The following SATB2 variants were observed in gnomAD, a reference collection of about 807,000 sequenced individuals.
SATB2 encodes DNA-binding protein SATB2.
Under a neutral mutation model 73.4 loss-of-function variants are expected in SATB2, and 1 was observed. That is an observed-to-expected ratio of 0.01 (90% confidence interval 0.00 to 0.06). The LOEUF (loss-of-function observed/expected upper bound fraction) is 0.06, where lower values mean the gene tolerates loss of function less well. Among genes scored for constraint, SATB2 ranks in the 10% least tolerant of loss-of-function variants. The pLI, the probability that SATB2 is intolerant of heterozygous loss-of-function variation, is 1.00. For synonymous variants in SATB2, 397 were observed against 367.0 expected (o/e 1.08, Z -0.93); for missense variants, 459 against 945.8 (o/e 0.49, Z 6.75).
intron 10 of SATB2, among the ~76,000 whole-genome samples, chr2:199,283,389 C>G (rs1359037666): frequency 2.6e-5 from 4 of 151,536 alleles, no homozygotes; most frequent in African/African-American, 4.8e-5. Context: ...CACGCCCAGC[C>G]AAACATAAAC....
chr2:199,325,266 T>C (rs1687999194), intron 8 of SATB2: 1 of 152,196 alleles, frequency 6.6e-6, no homozygotes, highest in African/African-American at 2.4e-5. Flanking sequence ...CACATTTAAT[T>C]CTTTTAAGAT....
At chr2:199,360,289 CCATCA>C (rs1390749982) in intron 6 of SATB2, among the ~76,000 whole-genome samples, 1 of 152,142 alleles carries the variant, frequency 6.6e-6, no homozygotes, top group African/African-American at 2.4e-5. Flanking sequence ...TTGTCAGCCC[CCATCA>C]CATCTATGTT....
chr2:199,459,820 C>G (rs1388143813), upstream of SATB2: 1 of 126,444 alleles, frequency 7.9e-6, no homozygotes, highest in East Asian at 2.4e-4. The surrounding 1 kb of genome is among the most constrained non-coding windows in gnomAD (Gnocchi z 4.2). Context: ...GTCCGCCGAT[C>G]GTGCCCGGGA....
chr2:199,427,968 T>C lies in SATB2; in HGVS notation c.346+5370A>G, dbSNP rs543664439. 2.0e-5 allele frequency among the ~76,000 whole-genome samples: 3 copies of C among 152,138 alleles called. No homozygotes were observed. In the South Asian group the frequency reaches 6.2e-4, roughly 31 times the overall value. ...TCATTTTTTATAAAAATATCCTTGG[T>C]ATTTTGGTTTCAAATCTTTTTTATT... is the stretch of plus-strand genomic sequence containing the variant. On this transcript the variant is annotated intron_variant, in intron 3 of 10. Coordinates refer to ENST00000417098, the MANE Select transcript of SATB2 (RefSeq NM_001172509.2).
At chr2:199,370,628 C>T (rs1438111865) in intron 5 of SATB2, among the ~76,000 whole-genome samples, 2 of 152,040 alleles carry the variant, frequency 1.3e-5, no homozygotes, top group African/African-American at 4.8e-5. Flanking sequence ...GCCCATAATA[C>T]GAGGCCACAA....
intron 7 of SATB2, among the ~76,000 whole-genome samples, chr2:199,336,615 T>C (rs1688344816): frequency 6.6e-6 from 1 of 152,212 alleles, no homozygotes; most frequent in South Asian, 2.1e-4. Flanking sequence ...GCTGAAATAT[T>C]TCTGCATTAG....
chr2:199,400,379 C>A (rs1405765010), intron 3 of SATB2, among the ~76,000 whole-genome samples: 1 of 152,136 alleles, frequency 6.6e-6, no homozygotes, highest in Non-Finnish European at 1.5e-5. Flanking sequence ...GATACCAATT[C>A]TTTTATGCTG....
intron 1 of SATB2, among the ~76,000 whole-genome samples, chr2:199,456,975 T>TGGGGGGGGGGGGGGGGG (rs71397724): frequency 8.1e-6 from 1 of 123,786 alleles, no homozygotes; most frequent in African/African-American, 3.3e-5. Flanking sequence ...ATTGGGGGGG[T>TGGGGGGGGGGGGGGGGG]GGGGGGGGGC....
At chr2:199,316,172 G>A (rs1315580071) in intron 9 of SATB2, among the ~76,000 whole-genome samples, 2 of 152,052 alleles carry the variant, frequency 1.3e-5, no homozygotes, top group African/African-American at 4.8e-5. Context: ...CTCTTCAGAT[G>A]GTTGAGACTC....
chr2:199,283,741 G>T (rs1170974959), intron 10 of SATB2, among the ~76,000 whole-genome samples: 1 of 151,908 alleles, frequency 6.6e-6, no homozygotes, highest in Non-Finnish European at 1.5e-5. Context: ...CAAAAATGAT[G>T]CCACTTTCAT....
At chr2:199,408,240 T>C (rs369681585) in intron 3 of SATB2, among the ~76,000 whole-genome samples, 2 of 152,300 alleles carry the variant, frequency 1.3e-5, no homozygotes, top group East Asian at 1.9e-4. Context: ...GTTGATAATA[T>C]GATTTAGATT....
intron 6 of SATB2, among the ~76,000 whole-genome samples, chr2:199,367,758 C>T (rs541659822): frequency 3.9e-5 from 6 of 152,192 alleles, no homozygotes; most frequent in African/African-American, 1.4e-4. Context: ...CCCAAATCCC[C>T]TCAGGGACCC....
upstream of SATB2, among the ~76,000 whole-genome samples, chr2:199,467,063 T>C (rs180723309): frequency 1.3e-5 from 2 of 152,366 alleles, no homozygotes; most frequent in East Asian, 3.9e-4. Flanking sequence ...GAGCTATTGT[T>C]TTCTACATCA....
At chr2:199,392,880 A>G (rs1690190692) in intron 3 of SATB2, among the ~76,000 whole-genome samples, 1 of 152,228 alleles carries the variant, frequency 6.6e-6, no homozygotes, top group Admixed American at 6.5e-5. Context: ...AGTCAACATA[A>G]AAGAGGTAAG....
At chr2:199,350,960 G>T (rs1688797626) in intron 6 of SATB2, among the ~76,000 whole-genome samples, 1 of 148,162 alleles carries the variant, frequency 6.7e-6, no homozygotes, top group Non-Finnish European at 1.5e-5. Context: ...GGAGGCAGAG[G>T]CAAAGGTTGC....
chr2:199,330,627 C>T (rs1688162341), intron 7 of SATB2, among the ~76,000 whole-genome samples: 1 of 152,174 alleles, frequency 6.6e-6, no homozygotes, highest in Non-Finnish European at 1.5e-5. Flanking sequence ...AAATGTGATA[C>T]AATCTAAGTA....
chr2:199,347,504 C>T (rs1438561958), intron 7 of SATB2: 1 of 150,602 alleles, frequency 6.6e-6, no homozygotes, highest in Non-Finnish European at 1.5e-5. Context: ...AGGTCTAACC[C>T]ATTGACAACC....
In SATB2 at chr2:199,348,811, T is replaced by G; in HGVS notation, c.1063A>C (p.Asn355His). ...TCTGGAGAGACTTCCACGGAAGAGTTGGTTGGCTCTGGCTTAACTGCTCTG... is the reference window on the plus strand; with the variant it reads ...TCTGGAGAGACTTCCACGGAAGAGTGGGTTGGCTCTGGCTTAACTGCTCTG... ...IPRAVKPEPT[N>H]SSVEVSPDIY... The change falls in exon 7 of 11, where the codon AAC becomes CAC. Residue 355 changes from asparagine (N) to histidine (H), a missense_variant. By Grantham distance (68) the Asn-to-His change is moderately conservative. This residue lies in a region of SATB2 where 35 missense variants were observed against 55.3 expected (regional missense o/e 0.63). Coordinates refer to ENST00000417098, the MANE Select transcript of SATB2 (RefSeq NM_001172509.2). The G allele has an allele frequency of 6.2e-7, 1 of 1,613,002 alleles. No homozygotes were observed. The highest frequency in any genetic ancestry group is 1.7e-5 in the Admixed American group (1 of 60,006).
At chr2:199,296,665 C>G (rs1033671680) in intron 10 of SATB2, among the ~76,000 whole-genome samples, 1 of 152,050 alleles carries the variant, frequency 6.6e-6, no homozygotes, top group Non-Finnish European at 1.5e-5. Context: ...TGCCACTTCA[C>G]TCCAGCCTGA....
Sources: gnomAD v4.1 joint callset for allele counts (sites outside exome capture counted in the v4.1 genomes callset) on GRCh38, gnomAD v4.1.1 for gene constraint, gnomAD v4.1.1 regional missense constraint, Gnocchi (gnomAD v3.1) non-coding constraint, MANE v1.5 for transcripts, NCBI Gene and HGNC (gene_info 2026-07-23, HGNC 2026-07-21) for gene names.